The following PTPRJ variants were observed in gnomAD, a reference collection of about 807,000 sequenced individuals.
PTPRJ encodes protein tyrosine phosphatase receptor type J.
A neutral mutation model predicts 141.3 loss-of-function variants in PTPRJ; 129 were observed. That is an observed-to-expected ratio of 0.91 (90% confidence interval 0.79 to 1.06). The LOEUF is 1.06. Among genes scored for constraint, PTPRJ ranks in the 50% least tolerant of loss-of-function variants. The pLI is 0.00. For synonymous variants in PTPRJ, 610 were observed against 640.5 expected (o/e 0.95, Z 0.72); for missense variants, 1,601 against 1,679.7 (o/e 0.95, Z 0.82).
intron 15 of PTPRJ, among the ~76,000 whole-genome samples, chr11:48,148,918 G>C (rs1224644652): frequency 1.3e-5 from 2 of 152,208 alleles, no homozygotes; most frequent in Non-Finnish European, 2.9e-5. Context: ...CTAGGCAAGT[G>C]CTGGGTCAGT....
At chr11:48,131,634 A>C (rs1197020683) in intron 8 of PTPRJ, 27 of 717,538 alleles carry the variant, frequency 3.8e-5, no homozygotes, top group Non-Finnish European at 6.7e-5. Context: ...GATCACAGCC[A>C]TGTTCATTTG....
In PTPRJ at chr11:48,170,612, A is replaced by G. The variant is rs944820537; in HGVS notation, c.*3250A>G. 6.6e-6 allele frequency: 1 copy of G among 152,186 alleles called. No individual in the cohort carries two copies. Among genetic ancestry groups the G allele is most frequent in the Admixed American group, 6.5e-5 (1 of 15,280 alleles). 9.4% of individuals were successfully genotyped at this position (152,186 alleles called of 1,614,324 possible). A position where few individuals can be genotyped will look rare whatever the true frequency, so the allele number is the denominator to read the frequency against. ...ACTGTGTAGCAGCTGTGTGTTTAAC[A>G]TACTGTAGCTTTTTCTCCCTTGGGG... On this transcript the variant is annotated 3_prime_UTR_variant, in exon 25 of 25. Coordinates refer to ENST00000418331, the MANE Select transcript of PTPRJ (RefSeq NM_002843.4).
At chr11:48,120,412 T>C (rs1336107897) in intron 3 of PTPRJ, among the ~76,000 whole-genome samples, 1 of 152,136 alleles carries the variant, frequency 6.6e-6, no homozygotes, top group African/African-American at 2.4e-5. Flanking sequence ...GAGGGACTCA[T>C]TTTGCATCTT....
chr11:48,019,011 G>A (rs1336334350), intron 1 of PTPRJ, among the ~76,000 whole-genome samples: 6 of 151,976 alleles, frequency 3.9e-5, no homozygotes, highest in Non-Finnish European at 7.4e-5. Context: ...GTGTACGTGC[G>A]TGTGTGTGTT....
intron 1 of PTPRJ, among the ~76,000 whole-genome samples, chr11:48,049,484 C>T (rs1017758419): frequency 3.4e-5 from 5 of 148,496 alleles, no homozygotes; most frequent in African/African-American, 5.2e-5. Context: ...TCGAGACCAG[C>T]CTGGCCAATG....
chr11:48,119,018 CAAAAAAAAAA>C (rs59349969), intron 3 of PTPRJ, among the ~76,000 whole-genome samples: 11 of 87,084 alleles, frequency 1.3e-4, no homozygotes, highest in Non-Finnish European at 2.2e-4. Flanking sequence ...GACTTCGTCT[CAAAAAAAAAA>C]AAAAAAAAAA....
At chr11:48,066,866 G>A (rs765157862) in intron 1 of PTPRJ, among the ~76,000 whole-genome samples, 5 of 152,082 alleles carry the variant, frequency 3.3e-5, no homozygotes, top group Non-Finnish European at 7.4e-5. Flanking sequence ...GATTACAGGC[G>A]TGAGCCACCG....
chr11:48,146,414 C>T (rs909644399), intron 14 of PTPRJ, among the ~76,000 whole-genome samples: 1 of 152,154 alleles, frequency 6.6e-6, no homozygotes, highest in African/African-American at 2.4e-5. Flanking sequence ...AGAATGCCTG[C>T]CCCAGAAGCA....
chr11:48,082,137 A>G (rs1410633875), intron 1 of PTPRJ, among the ~76,000 whole-genome samples: 1 of 152,192 alleles, frequency 6.6e-6, no homozygotes, highest in Non-Finnish European at 1.5e-5. Flanking sequence ...TGTCTTCTTC[A>G]CAGGTTTAAC....
intron 18 of PTPRJ, among the ~76,000 whole-genome samples, chr11:48,152,942 C>T (rs1203325329): frequency 6.6e-6 from 1 of 152,134 alleles, no homozygotes; most frequent in African/African-American, 2.4e-5. Context: ...AATAAGATCC[C>T]ACTCATAGGT....
At chr11:47,986,578 G>A (rs534159097) in intron 1 of PTPRJ, among the ~76,000 whole-genome samples, 4 of 152,180 alleles carry the variant, frequency 2.6e-5, no homozygotes, top group Non-Finnish European at 5.9e-5. Context: ...GTGCAGTGGC[G>A]TGATCTCCAC....
At chr11:48,159,122 G>GGGGTGTGTGTCTGTGTGTGT (rs368150087) in intron 21 of PTPRJ, among the ~76,000 whole-genome samples, 1 of 5,300 alleles carries the variant, frequency 1.9e-4, no homozygotes, top group Non-Finnish European at 1.3e-3. Context: ...GTGTATGTGG[G>GGGGTGTGTGTCTGTGTGTGT]GTGTGTGTGT....
intron 8 of PTPRJ, among the ~76,000 whole-genome samples, chr11:48,135,514 T>A (rs1010828681): frequency 7.5e-6 from 1 of 133,450 alleles, no homozygotes; most frequent in African/African-American, 3.0e-5. Flanking sequence ...CAGAGCCTCA[T>A]TCTGTCGCCC....
intron 1 of PTPRJ, among the ~76,000 whole-genome samples, chr11:48,078,628 G>A (rs1034725674): frequency 2.0e-5 from 3 of 152,150 alleles, no homozygotes; most frequent in Non-Finnish European, 4.4e-5. Context: ...GAGGGAGGTG[G>A]CAGGGGTGTA....
At chr11:48,011,036 G>A (rs1039569730) in intron 1 of PTPRJ, among the ~76,000 whole-genome samples, 2 of 152,080 alleles carry the variant, frequency 1.3e-5, no homozygotes, top group African/African-American at 4.8e-5. Flanking sequence ...ACTGTTCTAG[G>A]AGGTGGGCAG....
At chr11:48,121,309 A>G in intron 4 of PTPRJ, 43 bp downstream of exon 4, 1 of 1,595,744 alleles carries the variant, frequency 6.3e-7, no homozygotes, top group Non-Finnish European at 8.6e-7. Flanking sequence ...ACCATTTCTT[A>G]TTATGGTGTA....
intron 1 of PTPRJ, among the ~76,000 whole-genome samples, chr11:48,081,132 A>G (rs1303414605): frequency 2.0e-5 from 3 of 152,354 alleles, no homozygotes; most frequent in Admixed American, 6.5e-5. Flanking sequence ...GTGGTCTGCA[A>G]ACCACACTTG....
chr11:48,125,853 G>A lies in PTPRJ; in HGVS notation c.1093+667G>A, dbSNP rs183683311. On this transcript the variant is annotated intron_variant, in intron 6 of 24. Coordinates refer to ENST00000418331, the MANE Select transcript of PTPRJ (RefSeq NM_002843.4). Reference sequence around the variant, plus strand: ...TTTCCTGGTATCCATGTTGAAGGAGGGTCCATTTGTGTCCTTCCTTCCCTT... The same window carrying A: ...TTTCCTGGTATCCATGTTGAAGGAGAGTCCATTTGTGTCCTTCCTTCCCTT... 2.8e-3 allele frequency among the ~76,000 whole-genome samples: 433 copies of A among 152,238 alleles called. 2 individuals are homozygous for A. The highest frequency in any genetic ancestry group is 0.01 in the African/African-American group (419 of 41,530).
chr11:48,099,650 C>CA (rs1856104746), intron 1 of PTPRJ, among the ~76,000 whole-genome samples: 1 of 152,120 alleles, frequency 6.6e-6, no homozygotes, highest in African/African-American at 2.4e-5. Flanking sequence ...ATCTGATGCT[C>CA]AGAGTTCTTT....
Sources: gnomAD v4.1 joint callset for allele counts (sites outside exome capture counted in the v4.1 genomes callset) on GRCh38, gnomAD v4.1.1 for gene constraint, MANE v1.5 for transcripts, NCBI Gene and HGNC (gene_info 2026-07-23, HGNC 2026-07-21) for gene names.